Variants in GRM1 observed in about 807,000 individuals in gnomAD.
GRM1 encodes glutamate metabotropic receptor 1.
Under a neutral mutation model 90.9 loss-of-function variants are expected in GRM1, and 33 were observed. That is an observed-to-expected ratio of 0.36 (90% confidence interval 0.28 to 0.49). GRM1 has a LOEUF of 0.49. Among genes scored for constraint, GRM1 ranks in the 20% least tolerant of loss-of-function variants. The pLI, the probability that GRM1 is intolerant of heterozygous loss-of-function variation, is 0.99. For synonymous variants in GRM1, 700 were observed against 613.2 expected, an observed-to-expected ratio of 1.14 and a Z score of -2.09; for missense variants, 1,190 against 1,534.3, an observed-to-expected ratio of 0.78 and a Z score of 3.75.
In GRM1 at chr6:146,220,979, A is replaced by G. The variant is rs566947310; in HGVS notation, c.950+61382A>G. ...TGGGAGAGAGAGGTGAGAGACGACCACAGAGAGGTGAGAAGGGGCTACATC... is the reference window on the plus strand; with the variant it reads ...TGGGAGAGAGAGGTGAGAGACGACCGCAGAGAGGTGAGAAGGGGCTACATC... On this transcript the variant is annotated intron_variant, in intron 2 of 7. Coordinates refer to ENST00000282753, the MANE Select transcript of GRM1 (RefSeq NM_001278064.2). 1.3e-3 allele frequency among the ~76,000 whole-genome samples: 198 copies of G among 152,208 alleles called. 2 individuals are homozygous for G. Among genetic ancestry groups the G allele is most frequent in the South Asian group, 6.0e-3 (29 of 4,828 alleles).
At chr6:146,252,768 T>A (rs1172065672) in intron 2 of GRM1, among the ~76,000 whole-genome samples, 1 of 151,788 alleles carries the variant, frequency 6.6e-6, no homozygotes, top group Non-Finnish European at 1.5e-5. Context: ...AGTTTAAAAA[T>A]ATTGATAAAT....
chr6:146,061,500 C>G (rs1775667526), intron 1 of GRM1, among the ~76,000 whole-genome samples: 1 of 152,004 alleles, frequency 6.6e-6, no homozygotes, highest in Non-Finnish European at 1.5e-5. Context: ...TTCTGCACAG[C>G]AAAAGAAACT....
chr6:146,285,524 A>G lies in GRM1; in HGVS notation c.951-19087A>G, dbSNP rs79684782. On this transcript the variant is annotated intron_variant, in intron 2 of 7. Coordinates refer to ENST00000282753, the MANE Select transcript of GRM1 (RefSeq NM_001278064.2). ...CACAGAGTATTTTTTATTTATTAAC[A>G]TGAATTAGATCTCTTCCTTTCTTCT... Among the ~76,000 whole-genome samples, 1,303 of 152,300 alleles carry G rather than the reference A, an allele frequency of 8.6e-3. 20 individuals carry two copies. Among genetic ancestry groups the G allele is most frequent in the African/African-American group, 0.03 (1,234 of 41,558 alleles).
chr6:146,366,614 G>A (rs141322173), intron 5 of GRM1, among the ~76,000 whole-genome samples: 12 of 152,064 alleles, frequency 7.9e-5, no homozygotes, highest in Middle Eastern at 3.4e-3. Flanking sequence ...TCTGTGCTTT[G>A]CTTATTTAAC....
intron 6 of GRM1, 34 bp from the exon 7 acceptor site, chr6:146,398,735 T>C (rs1248430971): frequency 7.0e-7 from 1 of 1,429,108 alleles, no homozygotes; most frequent in Admixed American, 1.7e-5. Flanking sequence ...GCAGAAACCT[T>C]GGATTCATGC....
intron 2 of GRM1, among the ~76,000 whole-genome samples, chr6:146,262,291 C>A (rs1781723746): frequency 6.6e-6 from 1 of 151,940 alleles, no homozygotes; most frequent in South Asian, 2.1e-4. Context: ...ATCTTGACAA[C>A]CTGCTGAAAA....
At chr6:146,347,208 A>G (rs1386482592) in intron 3 of GRM1, among the ~76,000 whole-genome samples, 1 of 152,182 alleles carries the variant, frequency 6.6e-6, no homozygotes, top group Non-Finnish European at 1.5e-5. Flanking sequence ...TTTTGCTAAC[A>G]AATGTCCTGT....
chr6:146,194,859 G>A (rs1306175456), intron 2 of GRM1, among the ~76,000 whole-genome samples: 4 of 152,134 alleles, frequency 2.6e-5, no homozygotes, highest in Admixed American at 6.6e-5. Flanking sequence ...TAAAGAACTC[G>A]GATCTTAGGC....
chr6:146,259,529 G>C (rs1411028717), intron 2 of GRM1, among the ~76,000 whole-genome samples: 1 of 152,062 alleles, frequency 6.6e-6, no homozygotes, highest in Non-Finnish European at 1.5e-5. Flanking sequence ...ACTCCAGATA[G>C]CCCATATTAG....
chr6:146,362,045 G>A (rs1333734078), intron 5 of GRM1, among the ~76,000 whole-genome samples: 1 of 152,084 alleles, frequency 6.6e-6, no homozygotes, highest in East Asian at 1.9e-4. Context: ...GATTTCACTG[G>A]CCTCCTGTTC....
intron 2 of GRM1, among the ~76,000 whole-genome samples, chr6:146,244,103 G>T (rs1780967426): frequency 6.6e-6 from 1 of 151,986 alleles, no homozygotes; most frequent in Admixed American, 6.6e-5. Flanking sequence ...ATTTCATATT[G>T]TTTAAACACA....
At chr6:146,195,045 C>G (rs1779067970) in intron 2 of GRM1, among the ~76,000 whole-genome samples, 1 of 152,152 alleles carries the variant, frequency 6.6e-6, no homozygotes, top group African/African-American at 2.4e-5. Flanking sequence ...ATAAATGTTA[C>G]CCATTACTCT....
intron 1 of GRM1, among the ~76,000 whole-genome samples, chr6:146,053,124 C>A (rs1388099863): frequency 6.6e-6 from 1 of 151,936 alleles, no homozygotes; most frequent in South Asian, 2.1e-4. Flanking sequence ...TCTTTTATAC[C>A]CCTGGTTTAA....
At chr6:146,387,052 C>G in intron 6 of GRM1, 36 bp downstream of exon 6, 1 of 1,605,726 alleles carries the variant, frequency 6.2e-7, no homozygotes, top group East Asian at 2.2e-5. Flanking sequence ...TTGTGCCTCA[C>G]TATTTGCCTT....
At chr6:146,410,456 TA>T (rs1300996730) in intron 7 of GRM1, among the ~76,000 whole-genome samples, 2 of 152,000 alleles carry the variant, frequency 1.3e-5, no homozygotes, top group Non-Finnish European at 2.9e-5. Context: ...GTTAATAGAA[TA>T]AAAAAAGAAA....
chr6:146,389,615 T>C (rs1225159148), intron 6 of GRM1, among the ~76,000 whole-genome samples: 1 of 152,082 alleles, frequency 6.6e-6, no homozygotes, highest in Non-Finnish European at 1.5e-5. Flanking sequence ...ATTAATACAA[T>C]TACATTTCTA....
intron 2 of GRM1, among the ~76,000 whole-genome samples, chr6:146,216,003 C>G (rs1056381414): frequency 6.6e-6 from 1 of 152,132 alleles, no homozygotes; most frequent in African/African-American, 2.4e-5. Flanking sequence ...ATGGTCTGCC[C>G]GCCTCAACCT....
intron 3 of GRM1, among the ~76,000 whole-genome samples, chr6:146,324,194 G>T (rs1047660522): frequency 6.6e-6 from 1 of 152,098 alleles, no homozygotes; most frequent in Non-Finnish European, 1.5e-5. Context: ...TTTACACTGG[G>T]AGGGGAAAAC....
Position 146,029,911 on chromosome 6 carries a change from G to A in GRM1, c.394G>A (p.Asp132Asn). The part of the protein sequence containing the change: ...FIRDSLISIR[D>N]EKDGINRCLP... Reference sequence around the variant, plus strand: ...TAGGGACTCTCTGATTTCCATTCGAGATGAGAAGGATGGGATCAACCGGTG... The same window carrying A: ...TAGGGACTCTCTGATTTCCATTCGAAATGAGAAGGATGGGATCAACCGGTG... The change falls in exon 1 of 8, where the codon GAT (aspartate) becomes AAT (asparagine). Residue 132 changes from aspartate to asparagine, a missense_variant. Transcript: ENST00000282753. 6.2e-7 allele frequency: 1 copy of A among 1,614,160 alleles called. No homozygotes were observed. The highest frequency in any genetic ancestry group is 1.1e-5 in the South Asian group (1 of 91,084).
Sources: gnomAD v4.1 joint callset for allele counts (sites outside exome capture counted in the v4.1 genomes callset) on GRCh38, gnomAD v4.1.1 for gene constraint, MANE v1.5 for transcripts, NCBI Gene and HGNC (gene_info 2026-07-23, HGNC 2026-07-21) for gene names.